The following ADAMTSL1 variants were observed in gnomAD, a reference collection of about 807,000 sequenced individuals.
ADAMTSL1 encodes ADAMTS-like protein 1.
A neutral mutation model predicts 201.8 loss-of-function variants in ADAMTSL1; 126 were observed. The ratio of observed to expected loss-of-function variants is 0.62; its 90% CI spans 0.54 to 0.72. The LOEUF is 0.72. Among genes scored for constraint, ADAMTSL1 ranks in the 30% least tolerant of loss-of-function variants. The pLI is 0.00. For missense variants in ADAMTSL1, 2,679 were observed against 2,277.8 expected (o/e 1.18, Z -3.59); for synonymous variants, 1,121 against 903.4 (o/e 1.24, Z -4.32).
chr9:18,237,430 A>T (rs1474757877), intron 2 of ADAMTSL1, among the ~76,000 whole-genome samples: 1 of 152,166 alleles, frequency 6.6e-6, no homozygotes, highest in South Asian at 2.1e-4. Context: ...CACTGTTCTC[A>T]TATTCCGTGC....
chr9:18,824,563 A>C (rs749295715), intron 21 of ADAMTSL1, among the ~76,000 whole-genome samples: 3 of 152,138 alleles, frequency 2.0e-5, no homozygotes, highest in Non-Finnish European at 4.4e-5. Flanking sequence ...GCTAGCCATT[A>C]AGGGCAAACT....
intron 2 of ADAMTSL1, among the ~76,000 whole-genome samples, chr9:18,252,855 A>T (rs1831520132): frequency 6.6e-6 from 1 of 152,252 alleles, no homozygotes. Context: ...ATTTACAAAT[A>T]CATATGCTTT....
intron 15 of ADAMTSL1, among the ~76,000 whole-genome samples, chr9:18,747,867 C>T (rs181940829): frequency 7.2e-5 from 11 of 152,138 alleles, no homozygotes; most frequent in Admixed American, 3.3e-4. Context: ...CAGCACTGTC[C>T]GGGAAACAAA....
intron 1 of ADAMTSL1, among the ~76,000 whole-genome samples, chr9:18,070,639 A>T: frequency 6.6e-6 from 1 of 151,928 alleles, no homozygotes; most frequent in East Asian, 1.9e-4. Context: ...TGTGAGGGAG[A>T]ATCTGAAGAT....
At chr9:17,988,485 G>A (rs914458459) in intron 1 of ADAMTSL1, among the ~76,000 whole-genome samples, 1 of 151,474 alleles carries the variant, frequency 6.6e-6, no homozygotes, top group Non-Finnish European at 1.5e-5. Flanking sequence ...AATCACAAGA[G>A]TATTCATACC....
chr9:17,993,937 T>A (rs1397337374), intron 1 of ADAMTSL1, among the ~76,000 whole-genome samples: 2 of 152,100 alleles, frequency 1.3e-5, no homozygotes, highest in African/African-American at 2.4e-5. Context: ...GTTTTCTTTA[T>A]CTTTGTCTAT....
intron 2 of ADAMTSL1, among the ~76,000 whole-genome samples, chr9:18,229,504 A>G (rs1452608465): frequency 3.3e-5 from 5 of 152,196 alleles, no homozygotes; most frequent in Non-Finnish European, 7.4e-5. Context: ...TTTCTATAAA[A>G]AAACTCTTCT....
intron 1 of ADAMTSL1, among the ~76,000 whole-genome samples, chr9:17,978,252 A>G (rs956084158): frequency 1.8e-4 from 27 of 151,824 alleles, no homozygotes; most frequent in Admixed American, 1.2e-3. Context: ...TTATCCCTCT[A>G]TGTCTTTTGG....
At chr9:18,389,377 A>AT (rs1199788466) in intron 2 of ADAMTSL1, among the ~76,000 whole-genome samples, 2 of 152,144 alleles carry the variant, frequency 1.3e-5, no homozygotes, top group East Asian at 3.9e-4. Context: ...CAATCAAAAA[A>AT]TTTGCACTGA....
intron 19 of ADAMTSL1, 138 bp from the exon 20 acceptor site, chr9:18,795,259 C>A: frequency 9.1e-7 from 1 of 1,103,496 alleles, no homozygotes; most frequent in Non-Finnish European, 1.3e-6. Flanking sequence ...TCTTGATTGT[C>A]CTTGTAGCTG....
chr9:18,172,685 G>A (rs1485591226), intron 2 of ADAMTSL1, among the ~76,000 whole-genome samples: 1 of 151,912 alleles, frequency 6.6e-6, no homozygotes, highest in Non-Finnish European at 1.5e-5. Context: ...GAATGTTATA[G>A]CCTAAAAATG....
intron 26 of ADAMTSL1, among the ~76,000 whole-genome samples, chr9:18,895,463 A>T (rs1353765359): frequency 3.4e-5 from 5 of 145,566 alleles, no homozygotes; most frequent in African/African-American, 1.3e-4. Flanking sequence ...TTTGATCTTA[A>T]CAACGTGGCA....
chr9:18,158,756 T>A (rs555372343), intron 1 of ADAMTSL1, among the ~76,000 whole-genome samples: 1 of 152,018 alleles, frequency 6.6e-6, no homozygotes, highest in Admixed American at 6.6e-5. Flanking sequence ...TTTTAGTCCT[T>A]TGTGTGCATG....
chr9:18,522,424 C>G lies in ADAMTSL1; in HGVS notation c.192-10823C>G, dbSNP rs1564015768. ...ATTCCTCTTGAGTTTTTTGTAGAGT[C>G]TCAGGAATGTAGAATTTTTATTTTA... On this transcript the variant is annotated intron_variant, in intron 2 of 28. Transcript: ENST00000380548. 2.0e-5 allele frequency among the ~76,000 whole-genome samples: 3 copies of G among 152,074 alleles called. 1 individual carries two copies. The South Asian group carries it at 6.2e-4, about 32-fold the overall frequency.
intron 17 of ADAMTSL1, 74 bp from the exon 18 acceptor site, chr9:18,775,669 G>GT: frequency 1.3e-6 from 2 of 1,540,508 alleles, no homozygotes; most frequent in Non-Finnish European, 1.8e-6. Context: ...ATTTTGATGA[G>GT]TTTGACAGTC....
chr9:18,669,954 A>G (rs900981624), intron 9 of ADAMTSL1, among the ~76,000 whole-genome samples: 10 of 152,296 alleles, frequency 6.6e-5, no homozygotes, highest in Non-Finnish European at 1.5e-4. Context: ...TTTCCTCATT[A>G]TGGCCAGATC....
chr9:18,658,265 T>C (rs943071268), intron 8 of ADAMTSL1, among the ~76,000 whole-genome samples: 15 of 152,262 alleles, frequency 9.9e-5, no homozygotes, highest in African/African-American at 3.4e-4. Flanking sequence ...TGAGCCACCG[T>C]GCCCGACCGA....
At position 18,150,938 on chromosome 9, in the gene ADAMTSL1, T is replaced by C. The variant is rs142765432; in HGVS notation, c.88-12924T>C. Among the ~76,000 whole-genome samples the C allele has an allele frequency of 6.9e-3, 1,052 of 151,568 alleles. 11 individuals carry two copies. Among genetic ancestry groups the C allele is most frequent in the African/African-American group, 0.024 (1,001 of 41,340 alleles). ...TTCTGTGAAATAGGAGACAATGACATATGCATAGAAGGAAAGGAGGGGGCT... is the reference window on the plus strand; with the variant it reads ...TTCTGTGAAATAGGAGACAATGACACATGCATAGAAGGAAAGGAGGGGGCT... On this transcript the variant is annotated intron_variant, in intron 1 of 29. Coordinates refer to the ADAMTSL1 transcript ENST00000680146.
chr9:18,892,634 C>T (rs1475709966), intron 26 of ADAMTSL1, 38 bp downstream of exon 26: 17 of 1,543,882 alleles, frequency 1.1e-5, no homozygotes, highest in Middle Eastern at 1.7e-4. Context: ...AAAGCTAAAT[C>T]TAAAGGAATG....
Sources: allele counts gnomAD v4.1 joint callset (sites outside exome capture counted in the v4.1 genomes callset), GRCh38; gene constraint gnomAD v4.1.1; transcripts MANE v1.5; gene names NCBI Gene and HGNC (gene_info 2026-07-23, HGNC 2026-07-21).